The following LRP1B variants were observed in gnomAD, a reference collection of about 807,000 sequenced individuals.
LRP1B encodes low-density lipoprotein receptor-related protein 1B.
In LRP1B, 217 loss-of-function variants were observed where a neutral mutation model predicts 556.6. The ratio of observed to expected loss-of-function variants is 0.39; its 90% CI spans 0.35 to 0.44. LRP1B has a LOEUF of 0.44. Among genes scored for constraint, LRP1B ranks in the 20% least tolerant of loss-of-function variants. The pLI, the probability that LRP1B is intolerant of heterozygous loss-of-function variation, is 1.00. For missense variants in LRP1B, 5,053 were observed against 5,620.8 expected, an observed-to-expected ratio of 0.90 and a Z score of 3.23; for synonymous variants, 2,047 against 1,865.8, an observed-to-expected ratio of 1.10 and a Z score of -2.50.
At chr2:141,265,977 A>T (rs1020034711) in intron 3 of LRP1B, among the ~76,000 whole-genome samples, 6 of 152,180 alleles carry the variant, frequency 3.9e-5, no homozygotes, top group Non-Finnish European at 7.4e-5. Flanking sequence ...GGTTCTCACC[A>T]ATAGAACATG....
chr2:142,084,899 C>CAT (rs1705856102), intron 1 of LRP1B, among the ~76,000 whole-genome samples: 1 of 152,132 alleles, frequency 6.6e-6, no homozygotes, highest in African/African-American at 2.4e-5. Flanking sequence ...CTAAAGAATA[C>CAT]ATGTGTATAA....
intron 6 of LRP1B, among the ~76,000 whole-genome samples, chr2:141,198,950 T>C (rs1451924696): frequency 6.6e-6 from 1 of 152,162 alleles, no homozygotes; most frequent in Non-Finnish European, 1.5e-5. Flanking sequence ...TTACGCTCCT[T>C]GTTTAGACAC....
intron 2 of LRP1B, among the ~76,000 whole-genome samples, chr2:141,722,844 T>A (rs1424133189): frequency 6.6e-6 from 1 of 152,080 alleles, no homozygotes; most frequent in East Asian, 1.9e-4. Flanking sequence ...TTGTTTCTTG[T>A]TTAAGTTTTA....
At chr2:140,316,484 A>T (rs1441065107) in intron 82 of LRP1B, among the ~76,000 whole-genome samples, 1 of 152,144 alleles carries the variant, frequency 6.6e-6, no homozygotes, top group Non-Finnish European at 1.5e-5. Flanking sequence ...AGTTTCTAAT[A>T]CATTGTCATG....
At chr2:141,660,901 T>C (rs148645641) in intron 2 of LRP1B, among the ~76,000 whole-genome samples, 98 of 152,248 alleles carry the variant, frequency 6.4e-4, no homozygotes, top group Non-Finnish European at 1.2e-3. Flanking sequence ...AGACACCTTG[T>C]ACAGGAGTGT....
intron 1 of LRP1B, among the ~76,000 whole-genome samples, chr2:141,931,553 A>C (rs1340212956): frequency 6.6e-6 from 1 of 151,944 alleles, no homozygotes; most frequent in Non-Finnish European, 1.5e-5. Context: ...AATTTTTCTA[A>C]AGTTTTCTCT....
chr2:140,310,284 A>G (rs546422921), intron 83 of LRP1B, among the ~76,000 whole-genome samples: 4 of 151,822 alleles, frequency 2.6e-5, no homozygotes, highest in Non-Finnish European at 1.5e-5. Flanking sequence ...CAATTTTAAC[A>G]TCATTAATTA....
At chr2:140,313,703 C>A (rs1684402435) in intron 83 of LRP1B, among the ~76,000 whole-genome samples, 1 of 151,782 alleles carries the variant, frequency 6.6e-6, no homozygotes, top group Non-Finnish European at 1.5e-5. Flanking sequence ...TAATAAAATA[C>A]ACACACGTAT....
At chr2:140,375,395 C>T (rs1177810659) in intron 68 of LRP1B, among the ~76,000 whole-genome samples, 1 of 151,964 alleles carries the variant, frequency 6.6e-6, no homozygotes, top group East Asian at 1.9e-4. Context: ...GGAGTGTTTC[C>T]TTTAATTGGA....
intron 7 of LRP1B, among the ~76,000 whole-genome samples, chr2:141,068,114 T>G (rs1417406053): frequency 6.6e-6 from 1 of 151,976 alleles, no homozygotes; most frequent in East Asian, 1.9e-4. Flanking sequence ...CCGCCCATAT[T>G]ATTTAACGTT....
intron 2 of LRP1B, among the ~76,000 whole-genome samples, chr2:141,509,170 A>G (rs961973547): frequency 6.6e-6 from 1 of 152,232 alleles, no homozygotes; most frequent in African/African-American, 2.4e-5. Flanking sequence ...CAAGAAATAC[A>G]GCCCACTTGT....
chr2:141,959,554 A>T (rs890061872), intron 1 of LRP1B, among the ~76,000 whole-genome samples: 45 of 151,880 alleles, frequency 3.0e-4, no homozygotes, highest in Admixed American at 2.8e-3. Flanking sequence ...CTAGACCGGC[A>T]CTCTCCAAAA....
intron 1 of LRP1B, among the ~76,000 whole-genome samples, chr2:142,015,589 C>T (rs1703094772): frequency 6.6e-6 from 1 of 152,028 alleles, no homozygotes; most frequent in African/African-American, 2.4e-5. Flanking sequence ...ACAGGCAACC[C>T]CTACAGAATG....
chr2:140,730,628 C>T (rs1027191107), intron 35 of LRP1B, among the ~76,000 whole-genome samples: 3 of 152,066 alleles, frequency 2.0e-5, no homozygotes, highest in African/African-American at 4.8e-5. Context: ...GGCGAGATCT[C>T]GGCTCACTGC....
At position 141,505,418 on chromosome 2, in the gene LRP1B, C is replaced by A. The variant is rs533253701; in HGVS notation, c.206-24885G>T. 2.6e-5 allele frequency among the ~76,000 whole-genome samples: 4 copies of A among 152,160 alleles called. No homozygotes were observed. In the East Asian group the frequency reaches 7.7e-4, roughly 29 times the overall value. Reference sequence around the variant, plus strand: ...ATACTTCTGGCATCCATTGCTGTAACAGTATGTATACTCACTTGTTATAAT... The same window carrying A: ...ATACTTCTGGCATCCATTGCTGTAAAAGTATGTATACTCACTTGTTATAAT... On this transcript the variant is annotated intron_variant, in intron 2 of 90. Transcript: ENST00000389484.
chr2:141,923,316 G>T (rs1283187360), intron 1 of LRP1B, among the ~76,000 whole-genome samples: 3 of 149,594 alleles, frequency 2.0e-5, no homozygotes, highest in African/African-American at 4.9e-5. Flanking sequence ...TTAATGGTGA[G>T]AAAGGGGACT....
intron 23 of LRP1B, among the ~76,000 whole-genome samples, chr2:140,890,096 T>A (rs554893612): frequency 3.0e-3 from 53 of 17,398 alleles, no homozygotes; most frequent in African/African-American, 7.1e-3. Context: ...ATCATATTTA[T>A]TAGTTAAAAA....
At chr2:141,750,017 C>G (rs990556385) in intron 2 of LRP1B, among the ~76,000 whole-genome samples, 1 of 152,050 alleles carries the variant, frequency 6.6e-6, no homozygotes, top group African/African-American at 2.4e-5. Context: ...AAACTAAAGA[C>G]CAGTTTAGCA....
chr2:140,362,423 G>C (rs527396887), intron 72 of LRP1B, among the ~76,000 whole-genome samples: 10 of 151,484 alleles, frequency 6.6e-5, no homozygotes, highest in African/African-American at 2.4e-4. Flanking sequence ...ACTTACTATG[G>C]GATTATGTCC....
Sources: gnomAD v4.1 joint callset for allele counts (sites outside exome capture counted in the v4.1 genomes callset) on GRCh38, gnomAD v4.1.1 for gene constraint, MANE v1.5 for transcripts, NCBI Gene and HGNC (gene_info 2026-07-23, HGNC 2026-07-21) for gene names.